The following ZNF737 variants were observed in gnomAD, a reference collection of about 807,000 sequenced individuals.
ZNF737 encodes zinc finger protein 102 (Y3).
A neutral mutation model predicts 11.7 loss-of-function variants in ZNF737; 13 were observed. The ratio of observed to expected loss-of-function variants is 1.11; its 90% CI spans 0.73 to 1.77. ZNF737 has a LOEUF of 1.77. ZNF737 is among the 40% of genes most tolerant of loss of function. The pLI is 0.00. For synonymous variants in ZNF737, 217 were observed against 216.2 expected (o/e 1.00, Z -0.03); for missense variants, 636 against 638.0 (o/e 1.00, Z 0.03).
intron 1 of ZNF737, among the ~76,000 whole-genome samples, chr19:20,560,442 C>T (rs371840542): frequency 6.6e-6 from 1 of 151,980 alleles, no homozygotes; most frequent in African/African-American, 2.4e-5. Flanking sequence ...AAAATCATGT[C>T]CTTTGCAATA....
Position 20,543,563 on chromosome 19 carries a change from C to T in ZNF737, c.*1029G>A. On this transcript the variant is annotated 3_prime_UTR_variant, in exon 4 of 4. Transcript: ENST00000427401. ...GTACAATTTTTCTCAAGGATACTAG[C>T]TTTTCTGTGAGATAAGGTGTAAGAA... 1.0e-6 allele frequency: 1 copy of T among 985,386 alleles called. No homozygotes were observed. Among genetic ancestry groups the T allele is most frequent in the Non-Finnish European group, 1.2e-6 (1 of 829,920 alleles). The allele number at this position is 985,386 out of a possible 1,614,324, so 61.0% of individuals were successfully genotyped here. A position where few individuals can be genotyped will look rare whatever the true frequency, so the allele number is the denominator to read the frequency against.
In ZNF737 at chr19:20,540,024, A is replaced by C. The variant is rs1555754757; in HGVS notation, c.*4568T>G. 1.0e-6 allele frequency: 1 copy of C among 985,220 alleles called. No homozygotes were observed. Among genetic ancestry groups the C allele is most frequent in the Non-Finnish European group, 1.2e-6 (1 of 829,924 alleles). The allele number at this position is 985,220 out of a possible 1,614,324, so 61.0% of individuals were successfully genotyped here. A position where few individuals can be genotyped will look rare whatever the true frequency, so the allele number is the denominator to read the frequency against. On this transcript the variant is annotated 3_prime_UTR_variant, in exon 4 of 4. Coordinates refer to ENST00000427401, the MANE Select transcript of ZNF737 (RefSeq NM_001159293.2). ...TTTCTCTTAAGCTATCCCAGATGAG[A>C]GGTGATTATTTCTTGAATGAATGAG... is the stretch of plus-strand genomic sequence containing the variant.
Position 20,540,707 on chromosome 19 carries a change from T to G in ZNF737, c.*3885A>C. On this transcript the variant is annotated 3_prime_UTR_variant, in exon 4 of 4. Transcript: ENST00000427401. Reference sequence around the variant, plus strand: ...CCAGGAGGTGGAGGTTGCCATGAGCTGAGATCACGCCACTGCTCTCCAGCC... The same window carrying G: ...CCAGGAGGTGGAGGTTGCCATGAGCGGAGATCACGCCACTGCTCTCCAGCC... 3.0e-6 allele frequency: 2 copies of G among 673,592 alleles called. No individual in the cohort carries two copies. Among genetic ancestry groups the G allele is most frequent in the Non-Finnish European group, 3.7e-6 (2 of 546,228 alleles). 41.7% of individuals were successfully genotyped at this position (673,592 alleles called of 1,614,324 possible). A position where few individuals can be genotyped will look rare whatever the true frequency, so the allele number is the denominator to read the frequency against.
chr19:20,564,089 C>G (rs1477218643), intron 1 of ZNF737: 6 of 151,816 alleles, frequency 4.0e-5, no homozygotes, highest in African/African-American at 1.2e-4. Flanking sequence ...TTGCTTGAAC[C>G]CAGGAGGTGG....
At chr19:20,548,102 A>C (rs1369588156) in intron 3 of ZNF737, among the ~76,000 whole-genome samples, 2 of 152,110 alleles carry the variant, frequency 1.3e-5, no homozygotes, top group East Asian at 3.9e-4. Context: ...AAATCGTGCC[A>C]CTGTACTTTA....
chr19:20,547,251 G>GC (rs1968486054), intron 3 of ZNF737, among the ~76,000 whole-genome samples: 1 of 151,896 alleles, frequency 6.6e-6, no homozygotes, highest in Non-Finnish European at 1.5e-5. Context: ...CATGGTAGCA[G>GC]GCGCCTGTAG....
chr19:20,533,094 C>G (rs1373850795), downstream of ZNF737, among the ~76,000 whole-genome samples: 2 of 150,040 alleles, frequency 1.3e-5, no homozygotes, highest in African/African-American at 4.9e-5. Context: ...TCTGACCCTA[C>G]ATACAACAAT....
chr19:20,537,863 G>A (rs527246033), downstream of ZNF737: 1 of 168,700 alleles, frequency 5.9e-6, no homozygotes, highest in South Asian at 2.0e-4. Context: ...TCGCTAAGAA[G>A]ACATGATCTT....
At chr19:20,560,221 C>T (rs1286387539) in intron 1 of ZNF737, among the ~76,000 whole-genome samples, 40 of 149,542 alleles carry the variant, frequency 2.7e-4, no homozygotes, top group Non-Finnish European at 4.1e-4. Context: ...GTAATGCCCG[C>T]GTGTAGTCCA....
intron 1 of ZNF737, among the ~76,000 whole-genome samples, chr19:20,563,042 G>T (rs1969157733): frequency 6.7e-6 from 1 of 148,638 alleles, no homozygotes; most frequent in African/African-American, 2.5e-5. Flanking sequence ...TAAATTAGTT[G>T]GTATTTTCTG....
rs1555757685 is a variant in ZNF737 at position 20,548,980 on chromosome 19, A to AC, written c.227-3005dup. 4.7e-3 allele frequency among the ~76,000 whole-genome samples: 310 copies of AC among 66,556 alleles called. 2 individuals are homozygous for AC. Among genetic ancestry groups the AC allele is most frequent in the Non-Finnish European group, 7.7e-3 (257 of 33,318 alleles). 43.7% of individuals were successfully genotyped at this position (66,556 alleles called of 152,430 possible). On this transcript the variant is annotated intron_variant, in intron 3 of 3. Transcript: ENST00000427401. ...AAAAACTGAAAAAAAAAAAAAAAAA[A>AC]CAATTATGTATCTTTTTGAAATTTA...
intron 1 of ZNF737, among the ~76,000 whole-genome samples, chr19:20,559,744 A>G (rs1969014366): frequency 6.6e-6 from 1 of 152,226 alleles, no homozygotes; most frequent in Non-Finnish European, 1.5e-5. Context: ...ATAATTGGGT[A>G]TATACCCAAA....
chr19:20,543,388 C>T lies in ZNF737; in HGVS notation c.*1204G>A. 1 of 986,500 alleles carries T rather than the reference C, an allele frequency of 1.0e-6. No homozygotes were observed. Among genetic ancestry groups the T allele is most frequent in the Non-Finnish European group, 1.2e-6 (1 of 829,694 alleles). The allele number at this position is 986,500 out of a possible 1,614,324, so 61.1% of individuals were successfully genotyped here. On this transcript the variant is annotated 3_prime_UTR_variant, in exon 4 of 4. Transcript: ENST00000427401. ...CCTTTATATTTGTAATGCTTGTCTT[C>T]ACAATAAATACTCTTCTTCACTTTA... is the stretch of plus-strand genomic sequence containing the variant.
In ZNF737 at chr19:20,538,557, C is replaced by T. The variant is rs1555754394; in HGVS notation, c.*6035G>A. On this transcript the variant is annotated 3_prime_UTR_variant, in exon 4 of 4. Transcript: ENST00000427401. ...GTACTCGTGGCAAAACTGCTTTCTG[C>T]AAAAAGTAAAAATGGCCTTGCTAAG... The T allele has an allele frequency of 1.2e-6, 1 of 848,036 alleles. No individual in the cohort carries two copies. Among genetic ancestry groups the T allele is most frequent in the Non-Finnish European group, 1.4e-6 (1 of 704,870 alleles). 52.5% of individuals were successfully genotyped at this position (848,036 alleles called of 1,614,324 possible).
In ZNF737 at chr19:20,545,401, G is replaced by T. The variant is rs782505344; in HGVS notation, c.802C>A (p.Arg268Ser). The T allele has an allele frequency of 6.2e-7, 1 of 1,603,998 alleles. No homozygotes were observed. The highest frequency in any genetic ancestry group is 1.1e-5 in the South Asian group (1 of 90,448). Residue 268 changes from arginine to serine, a missense_variant, in exon 4 of 4, where the codon CGC (arginine) becomes AGC (serine). Coordinates refer to ENST00000427401, the MANE Select transcript of ZNF737 (RefSeq NM_001159293.2). ...KCEECGKAFK[R>S]SSNLTTHKII... Reference sequence around the variant, plus strand: ...TTATGTGTAGTAAGGTTAGAGGAGCGCTTAAAGGCCTTGCCACATTCTTCA... The same window carrying T: ...TTATGTGTAGTAAGGTTAGAGGAGCTCTTAAAGGCCTTGCCACATTCTTCA...
At chr19:20,552,924 A>G (rs868984425) in intron 2 of ZNF737, among the ~76,000 whole-genome samples, 1 of 150,430 alleles carries the variant, frequency 6.6e-6, no homozygotes, top group African/African-American at 2.4e-5. Context: ...AGGCAGAAGA[A>G]TTGCTTCAAC....
At chr19:20,560,027 G>A (rs1197655672) in intron 1 of ZNF737, among the ~76,000 whole-genome samples, 5 of 151,342 alleles carry the variant, frequency 3.3e-5, no homozygotes, top group African/African-American at 7.3e-5. Context: ...TTAGCCGGGC[G>A]CGGTGGCGGG....
Position 20,538,610 on chromosome 19 carries a change from T to C in ZNF737, c.*5982A>G. 1.0e-6 allele frequency: 1 copy of C among 977,898 alleles called. No homozygotes were observed. Among genetic ancestry groups the C allele is most frequent in the Non-Finnish European group, 1.2e-6 (1 of 823,058 alleles). The allele number at this position is 977,898 out of a possible 1,614,324, so 60.6% of individuals were successfully genotyped here. On this transcript the variant is annotated 3_prime_UTR_variant, in exon 4 of 4. Coordinates refer to ENST00000427401, the MANE Select transcript of ZNF737 (RefSeq NM_001159293.2). ...AAATTAAATTTATTTTCAAGTGCTA[T>C]TTCTTTACAGCTCCAGAGAACAAAC...
chr19:20,553,792 T>G lies in ZNF737; in HGVS notation c.47A>C (p.Glu16Ala), dbSNP rs556362617. The G allele has an allele frequency of 1.8e-4, 296 of 1,613,850 alleles. No individual in the cohort carries two copies. The highest frequency in any genetic ancestry group is 2.4e-4 in the Non-Finnish European group (285 of 1,179,938). ...FRDVAIEFSLEEWHCLDTAQR... is the reference protein window; with the variant it reads ...FRDVAIEFSLAEWHCLDTAQR... ...TGCAGTGTCCAGGCAATGCCACTCC[T>G]CCAGAGAGAATTCTATGGCCACGTC... is the stretch of plus-strand genomic sequence containing the variant. Residue 16 changes from glutamate to alanine, a missense_variant, in exon 2 of 4, where the codon GAG becomes GCG. Glu to Ala is a moderately radical substitution (Grantham distance 107, BLOSUM62 -1). Coordinates refer to ENST00000427401, the MANE Select transcript of ZNF737 (RefSeq NM_001159293.2).
Sources: gnomAD v4.1 joint callset for allele counts (sites outside exome capture counted in the v4.1 genomes callset) on GRCh38, gnomAD v4.1.1 for gene constraint, MANE v1.5 for transcripts, NCBI Gene and HGNC (gene_info 2026-07-23, HGNC 2026-07-21) for gene names.